Variants in MTRF1 observed in about 807,000 individuals in gnomAD.
The protein encoded by MTRF1 is mitochondrial translation release factor 1.
MTRF1 carries 51 observed loss-of-function variants against 62.9 expected under a neutral mutation model. The ratio of observed to expected loss-of-function variants is 0.81; its 90% confidence interval spans 0.65 to 1.02. The LOEUF (loss-of-function observed/expected upper bound fraction) is 1.02. MTRF1 is among the 50% of genes least tolerant of loss of function. The pLI, the probability that MTRF1 is intolerant of heterozygous loss-of-function variation, is 0.00. For missense variants in MTRF1, 446 were observed against 530.0 expected, an observed-to-expected ratio of 0.84 and a Z score of 1.56; for synonymous variants, 158 against 181.9, an observed-to-expected ratio of 0.87 and a Z score of 1.06.
chr13:41,251,035 G>C (rs985377849), intron 5 of MTRF1, among the ~76,000 whole-genome samples: 1 of 152,090 alleles, frequency 6.6e-6, no homozygotes, highest in Non-Finnish European at 1.5e-5. Context: ...CTTATTGTGT[G>C]GTCTTGGATT....
intron 6 of MTRF1, chr13:41,235,854 C>T (rs73179118): frequency 7.2e-5 from 11 of 152,792 alleles, no homozygotes; most frequent in South Asian, 2.0e-4. Flanking sequence ...CACACACACA[C>T]AGAAACACAC....
intron 5 of MTRF1, among the ~76,000 whole-genome samples, chr13:41,249,099 CTA>C (rs35532799): frequency 0.52 from 78,937 of 151,446 alleles, 21,350 homozygotes; most frequent in South Asian, 0.62. Context: ...CTGTGCTTAT[CTA>C]TGAGTTCCTC....
At chr13:41,251,465 C>T (rs2039052671) in intron 5 of MTRF1, among the ~76,000 whole-genome samples, 1 of 152,132 alleles carries the variant, frequency 6.6e-6, no homozygotes, top group African/African-American at 2.4e-5. Flanking sequence ...GCGATTACTT[C>T]CCTGACAAGC....
At chr13:41,276,139 A>G in the MTRF1 span, among the ~76,000 whole-genome samples, 1 of 151,834 alleles carries the variant, frequency 6.6e-6, no homozygotes, top group African/African-American at 2.4e-5. Flanking sequence ...CTCTGCCTAG[A>G]TTGCAAGTCA....
At chr13:41,248,536 A>G (rs2038595587) in intron 5 of MTRF1, among the ~76,000 whole-genome samples, 1 of 152,148 alleles carries the variant, frequency 6.6e-6, no homozygotes, top group South Asian at 2.1e-4. Flanking sequence ...TACTCCTACT[A>G]CATTTAGGTT....
At chr13:41,295,711 C>T in the MTRF1 span, among the ~76,000 whole-genome samples, 1 of 152,210 alleles carries the variant, frequency 6.6e-6, no homozygotes, top group Non-Finnish European at 1.5e-5. Flanking sequence ...ATGATTATCA[C>T]TCTGGTTAAA....
Position 41,252,991 on chromosome 13 carries a change from T to C in MTRF1, c.547A>G (p.Asn183Asp). Residue 183 changes from asparagine to aspartate, a missense_variant, in exon 4 of 10, where the codon AAT becomes GAT. By Grantham distance (23) the Asn-to-Asp change is conservative. Coordinates refer to ENST00000379480, the MANE Select transcript of MTRF1 (RefSeq NM_004294.4). ...GCTGTCACCTCTAAAATAACATCAT[T>C]TTTGTCATATTTCTCCTTTGGCACA... is the stretch of plus-strand genomic sequence containing the variant. ...SLVPKEKYDK[N>D]DVILEVTAGR... The C allele has an allele frequency of 6.2e-7, 1 of 1,608,494 alleles. No homozygotes were observed. Among genetic ancestry groups the C allele is most frequent in the Non-Finnish European group, 8.5e-7 (1 of 1,178,144 alleles).
the MTRF1 span, among the ~76,000 whole-genome samples, chr13:41,292,074 AAAAC>A: frequency 6.6e-6 from 1 of 152,148 alleles, no homozygotes; most frequent in East Asian, 1.9e-4. Flanking sequence ...CAACAAAACA[AAAAC>A]AAAAACAAAA....
chr13:41,230,947 A>C (rs2035442988), intron 7 of MTRF1, among the ~76,000 whole-genome samples: 1 of 151,068 alleles, frequency 6.6e-6, no homozygotes, highest in Non-Finnish European at 1.5e-5. Context: ...CTAGTCTCAA[A>C]CTCCTGACCC....
At chr13:41,241,794 T>G (rs1416475722) in intron 5 of MTRF1, among the ~76,000 whole-genome samples, 1 of 152,228 alleles carries the variant, frequency 6.6e-6, no homozygotes, top group Non-Finnish European at 1.5e-5. Context: ...CCTGTTCTGC[T>G]GCCCTCTGTA....
chr13:41,245,304 C>CA (rs1415319072), intron 5 of MTRF1, among the ~76,000 whole-genome samples: 2 of 151,306 alleles, frequency 1.3e-5, no homozygotes, highest in Non-Finnish European at 2.9e-5. Context: ...AGTGCAGTGT[C>CA]ACAATCTTGG....
the MTRF1 span, among the ~76,000 whole-genome samples, chr13:41,306,255 G>A: frequency 2.6e-5 from 4 of 152,022 alleles, no homozygotes; most frequent in African/African-American, 9.7e-5. Context: ...GTGGTGGCGG[G>A]CGCCTGTAGT....
At chr13:41,269,921 A>G in the MTRF1 span, among the ~76,000 whole-genome samples, 1 of 152,214 alleles carries the variant, frequency 6.6e-6, no homozygotes, top group East Asian at 1.9e-4. Flanking sequence ...CTTAGTTTAT[A>G]GTTTAGCTTT....
the MTRF1 span, among the ~76,000 whole-genome samples, chr13:41,303,870 A>G: frequency 6.6e-6 from 1 of 152,232 alleles, no homozygotes; most frequent in Non-Finnish European, 1.5e-5. Context: ...CTAATTGTTT[A>G]AATCACAAAC....
the MTRF1 span, among the ~76,000 whole-genome samples, chr13:41,289,327 T>C: frequency 1.3e-5 from 2 of 150,006 alleles, no homozygotes; most frequent in African/African-American, 4.9e-5. Flanking sequence ...ACCCTCTGCC[T>C]CCTGGGTTCA....
chr13:41,220,579 GAATCCAAGGATAGGA>G, intron 9 of MTRF1: 1 of 1,288,708 alleles, frequency 7.8e-7, no homozygotes, highest in Non-Finnish European at 1.0e-6. Flanking sequence ...TGATCTCACA[GAATCCAAGGATAGGA>G]ATGTGGAATG....
At chr13:41,226,386 C>T (rs375765084) in intron 8 of MTRF1, 46 bp downstream of exon 8, 8 of 1,573,058 alleles carry the variant, frequency 5.1e-6, no homozygotes, top group African/African-American at 1.4e-5. Context: ...CAGAAAATGA[C>T]TTTTCTTTAA....
chr13:41,299,051 G>A, the MTRF1 span, among the ~76,000 whole-genome samples: 3 of 152,018 alleles, frequency 2.0e-5, no homozygotes, highest in Admixed American at 1.3e-4. Flanking sequence ...CGTGACGCAC[G>A]CCTGTAAATC....
At chr13:41,289,825 A>G in the MTRF1 span, among the ~76,000 whole-genome samples, 1 of 152,154 alleles carries the variant, frequency 6.6e-6, no homozygotes, top group Non-Finnish European at 1.5e-5. Context: ...ACCCAACCAC[A>G]CATTGCACAA....
Sources: gnomAD v4.1 joint callset for allele counts (sites outside exome capture counted in the v4.1 genomes callset) on GRCh38, gnomAD v4.1.1 for gene constraint, MANE v1.5 for transcripts, NCBI Gene and HGNC (gene_info 2026-07-23, HGNC 2026-07-21) for gene names.